The following DNAJB6 variants were observed in gnomAD, a reference collection of about 807,000 sequenced individuals.
DNAJB6 encodes dnaJ homolog subfamily B member 6.
A neutral mutation model predicts 42.7 loss-of-function variants in DNAJB6; 16 were observed. That is an observed-to-expected ratio of 0.37 (90% CI 0.25 to 0.57). The LOEUF (loss-of-function observed/expected upper bound fraction) is 0.57. Ranked by LOEUF, DNAJB6 falls within the 20% of genes least tolerant of loss-of-function variation. The probability of loss-of-function intolerance (pLI) is 0.74; values close to 1 mark genes in which losing one functional copy is unlikely to be tolerated. For synonymous variants in DNAJB6, 170 were observed against 163.5 expected (o/e 1.04, Z -0.30); for missense variants, 347 against 416.8 (o/e 0.83, Z 1.46).
At chr7:157,363,093 TGTTA>T in intron 2 of DNAJB6, 64 bp from the exon 3 acceptor site, 2 of 1,075,502 alleles carry the variant, frequency 1.9e-6, no homozygotes, top group Non-Finnish European at 2.8e-6. Flanking sequence ...TGGTTAATGA[TGTTA>T]GTTTCAAAAG....
chr7:157,369,487 T>G, intron 5 of DNAJB6: 1 of 450,552 alleles, frequency 2.2e-6, no homozygotes, highest in South Asian at 1.6e-5. Context: ...TGAAACGGGC[T>G]GTCCTCGTGA....
chr7:157,389,877 C>T (rs1032858741), intron 8 of DNAJB6, among the ~76,000 whole-genome samples: 3 of 152,176 alleles, frequency 2.0e-5, no homozygotes, highest in African/African-American at 7.2e-5. Context: ...GTCGGTCTTA[C>T]CTAACTGTTC....
At chr7:157,395,341 C>T (rs1801533470) in intron 8 of DNAJB6, among the ~76,000 whole-genome samples, 1 of 152,206 alleles carries the variant, frequency 6.6e-6, no homozygotes, top group Non-Finnish European at 1.5e-5. Context: ...TGACTTTTAA[C>T]ATTAACATAT....
intron 5 of DNAJB6, chr7:157,378,175 T>C (rs1800566655): frequency 6.6e-6 from 1 of 152,238 alleles, no homozygotes; most frequent in African/African-American, 2.4e-5. Flanking sequence ...ACAGCCACTT[T>C]CTTCCACTGC....
At chr7:157,358,874 G>T (rs1799439460) in intron 2 of DNAJB6, among the ~76,000 whole-genome samples, 1 of 152,210 alleles carries the variant, frequency 6.6e-6, no homozygotes, top group African/African-American at 2.4e-5. Context: ...TTTCACTGAG[G>T]ATGTGAGATA....
chr7:157,392,099 C>CAAAAAAAA (rs57861175), intron 8 of DNAJB6, among the ~76,000 whole-genome samples: 1,689 of 112,084 alleles, frequency 0.015, 13 homozygotes, highest in Non-Finnish European at 0.025. Context: ...GACCCTGTCT[C>CAAAAAAAA]AAAAAAAAAA....
intron 5 of DNAJB6, chr7:157,379,599 T>G (rs1800647363): frequency 6.6e-6 from 1 of 152,208 alleles, no homozygotes; most frequent in Admixed American, 6.6e-5. Context: ...CAGTCCTGCC[T>G]CAGCCTCCCA....
chr7:157,358,041 C>G (rs555135036), intron 1 of DNAJB6, among the ~76,000 whole-genome samples: 2 of 152,242 alleles, frequency 1.3e-5, no homozygotes, highest in Admixed American at 1.3e-4. Flanking sequence ...TTTTGCTGTT[C>G]CCTCGTGTGG....
intron 2 of DNAJB6, among the ~76,000 whole-genome samples, chr7:157,361,859 C>T (rs1799619818): frequency 6.6e-6 from 1 of 152,208 alleles, no homozygotes; most frequent in Admixed American, 6.5e-5. Flanking sequence ...ACCTCTTTCT[C>T]CTGGGTTCAA....
chr7:157,360,111 C>T (rs1263450648), intron 2 of DNAJB6, among the ~76,000 whole-genome samples: 1 of 152,218 alleles, frequency 6.6e-6, no homozygotes, highest in Admixed American at 6.5e-5. Context: ...TGTTTTTACG[C>T]TGCTGATAAA....
intron 1 of DNAJB6, among the ~76,000 whole-genome samples, chr7:157,338,702 C>T (rs1453740130): frequency 3.3e-5 from 5 of 152,242 alleles, no homozygotes; most frequent in Non-Finnish European, 7.3e-5. Context: ...ACATTTCTTT[C>T]TGCCTTCCGT....
chr7:157,387,020 G>C (rs1801097404), intron 8 of DNAJB6, among the ~76,000 whole-genome samples: 1 of 150,608 alleles, frequency 6.6e-6, no homozygotes, highest in African/African-American at 2.4e-5. Context: ...ATTTGAAACT[G>C]TTTTGGAACT....
intron 4 of DNAJB6, among the ~76,000 whole-genome samples, chr7:157,366,773 A>G (rs1423451991): frequency 6.6e-6 from 1 of 152,252 alleles, no homozygotes; most frequent in Non-Finnish European, 1.5e-5. Context: ...TTTTTTATAG[A>G]TAGAAACAAT....
rs1286436589 is a variant in DNAJB6 at position 157,416,405 on chromosome 7, G to A, written c.*307G>A. ...TTCTTTTCGGCTACTCAACCACTCCGCATGCTGCTGGAATATTTCTGGCTT... is the reference window on the plus strand; with the variant it reads ...TTCTTTTCGGCTACTCAACCACTCCACATGCTGCTGGAATATTTCTGGCTT... On this transcript the variant is annotated 3_prime_UTR_variant, in exon 10 of 10. Coordinates refer to ENST00000262177, the MANE Select transcript of DNAJB6 (RefSeq NM_058246.4). The A allele has an allele frequency of 3.4e-5, 12 of 349,200 alleles. No individual in the cohort carries two copies. The highest frequency in any genetic ancestry group is 3.1e-4 in the East Asian group (6 of 19,066). The allele number at this position is 349,200 out of a possible 1,614,324, so 21.6% of individuals were successfully genotyped here.
intron 3 of DNAJB6, among the ~76,000 whole-genome samples, chr7:157,363,584 T>C (rs560254405): frequency 1.3e-5 from 2 of 152,276 alleles, no homozygotes; most frequent in Admixed American, 1.3e-4. Context: ...TCACTGTGCA[T>C]GTGGCGTGCT....
intron 1 of DNAJB6, 130 bp from the exon 2 acceptor site, chr7:157,358,417 G>A: frequency 1.6e-6 from 1 of 620,604 alleles, no homozygotes; most frequent in South Asian, 1.9e-5. Context: ...TAGCTCTAGT[G>A]GAAGTTCCCT....
intron 1 of DNAJB6, among the ~76,000 whole-genome samples, chr7:157,338,370 G>C (rs1798161330): frequency 6.7e-6 from 1 of 148,690 alleles, no homozygotes; most frequent in Non-Finnish European, 1.5e-5. Flanking sequence ...AGTCTGTTCT[G>C]TTGCCCAGGC....
intron 5 of DNAJB6, among the ~76,000 whole-genome samples, chr7:157,376,947 G>GGGGCT (rs1800507323): frequency 6.6e-6 from 1 of 152,142 alleles, no homozygotes; most frequent in Non-Finnish European, 1.5e-5. Flanking sequence ...TCAAAGCAGG[G>GGGGCT]GGGCTTCCAG....
chr7:157,365,974 C>CT (rs1799824469), intron 3 of DNAJB6, among the ~76,000 whole-genome samples: 4 of 145,636 alleles, frequency 2.7e-5, no homozygotes, highest in South Asian at 4.4e-4. Context: ...AAGTCCCCCC[C>CT]GCGCCTACTC....
Sources: allele counts gnomAD v4.1 joint callset (sites outside exome capture counted in the v4.1 genomes callset), GRCh38; gene constraint gnomAD v4.1.1; transcripts MANE v1.5; gene names NCBI Gene and HGNC (gene_info 2026-07-23, HGNC 2026-07-21).